The following ERC1 variants were observed in gnomAD, a reference collection of about 807,000 sequenced individuals.
ERC1 encodes the protein RAB6 interacting protein 2.
Under a neutral mutation model 132.0 loss-of-function variants are expected in ERC1, and 56 were observed. That is an observed-to-expected ratio of 0.42 (90% CI 0.34 to 0.53). The LOEUF (loss-of-function observed/expected upper bound fraction) is 0.53. Ranked by LOEUF, ERC1 falls within the 20% of genes least tolerant of loss-of-function variation. The pLI, the probability that ERC1 is intolerant of heterozygous loss-of-function variation, is 0.03. For missense variants in ERC1, 1,202 were observed against 1,349.9 expected, an observed-to-expected ratio of 0.89 and a Z score of 1.72; for synonymous variants, 478 against 476.1, an observed-to-expected ratio of 1.00 and a Z score of -0.05.
intron 16 of ERC1, among the ~76,000 whole-genome samples, chr12:1,389,440 G>A (rs977643556): frequency 6.6e-6 from 1 of 152,122 alleles, no homozygotes; most frequent in Non-Finnish European, 1.5e-5. Context: ...TATTAACACA[G>A]GCCATTCTTT....
chr12:1,379,548 G>T (rs140769016), intron 16 of ERC1, among the ~76,000 whole-genome samples: 1 of 152,152 alleles, frequency 6.6e-6, no homozygotes, highest in Non-Finnish European at 1.5e-5. Flanking sequence ...CCCATTCCCA[G>T]TTATGCCAAA....
Position 1,004,806 on chromosome 12 carries a change from CTG to C in ERC1, c.-157+13526_-157+13527del, listed in dbSNP as rs60674277. On this transcript the variant is annotated intron_variant, in intron 1 of 18. Transcript: ENST00000360905. Reference sequence around the variant, plus strand: ...CTTTTCTCTGGCTGCCTGCCTTTTTCTGTGTGTGTGTGTGTGTGTGTGTGTGT... The same window carrying C: ...CTTTTCTCTGGCTGCCTGCCTTTTTCTGTGTGTGTGTGTGTGTGTGTGTGT... Among the ~76,000 whole-genome samples the C allele has an allele frequency of 9.5e-3, 1,397 of 146,920 alleles. 17 individuals are homozygous for C. Among genetic ancestry groups the C allele is most frequent in the African/African-American group, 0.032 (1,261 of 39,602 alleles).
At chr12:1,095,452 C>T (rs914776678) in intron 3 of ERC1, among the ~76,000 whole-genome samples, 5 of 150,948 alleles carry the variant, frequency 3.3e-5, no homozygotes, top group Non-Finnish European at 7.4e-5. Context: ...ATAAATTAGT[C>T]ATTATTCTTT....
chr12:1,429,735 G>C (rs1036771691), intron 17 of ERC1, among the ~76,000 whole-genome samples: 2 of 152,218 alleles, frequency 1.3e-5, no homozygotes, highest in Non-Finnish European at 2.9e-5. Flanking sequence ...GGTGACACTT[G>C]AGCTAACTCT....
chr12:1,280,053 G>A (rs2078570836), intron 14 of ERC1, among the ~76,000 whole-genome samples: 1 of 152,158 alleles, frequency 6.6e-6, no homozygotes, highest in Non-Finnish European at 1.5e-5. Context: ...GTAGCAGGAA[G>A]CACTCTTGGA....
intron 2 of ERC1, among the ~76,000 whole-genome samples, chr12:1,032,331 G>C (rs1398206127): frequency 6.6e-5 from 10 of 152,202 alleles, no homozygotes; most frequent in Admixed American, 5.9e-4. Context: ...TTATAGGCAG[G>C]AGCCACTGCG....
At chr12:1,245,518 GA>G (rs1452245474) in intron 13 of ERC1, among the ~76,000 whole-genome samples, 1 of 152,112 alleles carries the variant, frequency 6.6e-6, no homozygotes, top group African/African-American at 2.4e-5. Context: ...CTGAAAAGAT[GA>G]TTCATTTCTT....
chr12:1,032,446 G>C (rs1431675821), intron 2 of ERC1, among the ~76,000 whole-genome samples: 1 of 152,158 alleles, frequency 6.6e-6, no homozygotes, highest in Non-Finnish European at 1.5e-5. Context: ...AAAGAAACAA[G>C]GGACCATTTG....
At chr12:1,363,583 T>G (rs1313445026) in intron 15 of ERC1, among the ~76,000 whole-genome samples, 1 of 143,810 alleles carries the variant, frequency 7.0e-6, no homozygotes, top group African/African-American at 2.7e-5. Context: ...GACAGGGTCT[T>G]GCTCTGCCAC....
At chr12:1,390,778 A>T (rs1277110150) in intron 16 of ERC1, 1 of 152,226 alleles carries the variant, frequency 6.6e-6, no homozygotes, top group African/African-American at 2.4e-5. Flanking sequence ...GCCCTGCCCT[A>T]GAAGTTTCCT....
intron 18 of ERC1, among the ~76,000 whole-genome samples, chr12:1,447,772 C>T (rs1011244645): frequency 2.6e-5 from 4 of 151,948 alleles, no homozygotes; most frequent in African/African-American, 9.7e-5. Context: ...GCCTCAGCCT[C>T]CCGAACAGTT....
At chr12:1,279,915 C>T (rs1387869959) in intron 14 of ERC1, among the ~76,000 whole-genome samples, 3 of 151,996 alleles carry the variant, frequency 2.0e-5, no homozygotes, top group Admixed American at 6.6e-5. Flanking sequence ...AGGCTGGTCT[C>T]GAACTCCTGA....
chr12:1,251,172 A>G (rs2076448596), intron 13 of ERC1, among the ~76,000 whole-genome samples: 1 of 152,018 alleles, frequency 6.6e-6, no homozygotes. Context: ...TAGATTTGCC[A>G]GGGGGATAAT....
At chr12:1,478,799 AGAG>A (rs142935245) in intron 18 of ERC1, among the ~76,000 whole-genome samples, 47 of 142,350 alleles carry the variant, frequency 3.3e-4, no homozygotes, top group Middle Eastern at 3.6e-3. Context: ...AATAAAAAAA[AGAG>A]AGAGAGAGAG....
intron 14 of ERC1, among the ~76,000 whole-genome samples, chr12:1,286,339 G>A (rs182365388): frequency 4.0e-5 from 6 of 148,826 alleles, no homozygotes; most frequent in Non-Finnish European, 7.4e-5. Flanking sequence ...ATCCATCACA[G>A]TAAAAGATGA....
intron 8 of ERC1, among the ~76,000 whole-genome samples, chr12:1,179,715 G>C (rs1234772192): frequency 6.6e-6 from 1 of 151,902 alleles, no homozygotes; most frequent in Non-Finnish European, 1.5e-5. Context: ...CACCGTTTTA[G>C]CTGGGATGGT....
chr12:1,273,304 T>C (rs1027129052), intron 14 of ERC1, among the ~76,000 whole-genome samples: 1 of 152,234 alleles, frequency 6.6e-6, no homozygotes. Flanking sequence ...TCCTATGTAC[T>C]GCAAATACCT....
At chr12:1,063,006 A>G (rs1938337684) in intron 2 of ERC1, among the ~76,000 whole-genome samples, 2 of 152,200 alleles carry the variant, frequency 1.3e-5, no homozygotes, top group Non-Finnish European at 2.9e-5. Flanking sequence ...TGATATAAAT[A>G]TAGCTACTCC....
intron 7 of ERC1, among the ~76,000 whole-genome samples, chr12:1,122,703 C>CTATCTCTA (rs1202737827): frequency 1.3e-5 from 2 of 152,042 alleles, no homozygotes; most frequent in Non-Finnish European, 2.9e-5. Context: ...ATCTAAATCT[C>CTATCTCTA]TGAAACAGCT....
Sources: gnomAD v4.1 joint callset for allele counts (sites outside exome capture counted in the v4.1 genomes callset) on GRCh38, gnomAD v4.1.1 for gene constraint, MANE v1.5 for transcripts, NCBI Gene and HGNC (gene_info 2026-07-23, HGNC 2026-07-21) for gene names.